The following GNA12 variants were observed in gnomAD, a reference collection of about 807,000 sequenced individuals.
GNA12 encodes guanine nucleotide-binding protein subunit alpha-12.
GNA12 carries 9 observed loss-of-function variants against 26.0 expected under a neutral mutation model. That is an observed-to-expected ratio of 0.35 (90% CI 0.21 to 0.60). The LOEUF is 0.60. GNA12 is among the 20% of genes least tolerant of loss of function. GNA12 has a pLI of 0.78. For synonymous variants in GNA12, 264 were observed against 219.6 expected, an observed-to-expected ratio of 1.20 and a Z score of -1.79; for missense variants, 405 against 525.8, an observed-to-expected ratio of 0.77 and a Z score of 2.25.
intron 2 of GNA12, among the ~76,000 whole-genome samples, chr7:2,771,676 C>T (rs1480464563): frequency 6.6e-6 from 1 of 152,132 alleles, no homozygotes; most frequent in Non-Finnish European, 1.5e-5. Flanking sequence ...AAGGGTGCAC[C>T]CCAGTCTGTT....
chr7:2,794,983 A>G lies in GNA12; in HGVS notation c.470T>C (p.Leu157Pro). Residue 157 changes from leucine to proline, a missense_variant, in exon 2 of 4, where the codon CTC (leucine) becomes CCC (proline). Physicochemically the swap from Leu to Pro is moderately conservative, Grantham distance 98 (BLOSUM62 -3). Transcript: ENST00000275364. Reference protein sequence around the residue: ...FQLYVPALSALWRDSGIREAF... With the variant: ...FQLYVPALSAPWRDSGIREAF... ...CTCCCTGATGCCAGAATCCCTCCAG[A>G]GTGCGCTCAGGGCCGGGACGTACAG... The G allele has an allele frequency of 6.2e-7, 1 of 1,614,200 alleles. No individual in the cohort carries two copies. The highest frequency in any genetic ancestry group is 8.5e-7 in the Non-Finnish European group (1 of 1,180,030).
At chr7:2,835,500 G>C (rs1167132200) in intron 1 of GNA12, 3 of 410,990 alleles carry the variant, frequency 7.3e-6, no homozygotes, top group African/African-American at 6.2e-5. Flanking sequence ...ATTGGCCATG[G>C]GTCCAAGGGG....
At chr7:2,762,634 T>C in intron 2 of GNA12, 1 of 1,587,340 alleles carries the variant, frequency 6.3e-7, no homozygotes, top group African/African-American at 1.3e-5. Context: ...CCCAATGCCA[T>C]GAAGCACAGA....
intron 2 of GNA12, among the ~76,000 whole-genome samples, chr7:2,786,524 A>C (rs1340934756): frequency 6.6e-6 from 1 of 152,222 alleles, no homozygotes; most frequent in Non-Finnish European, 1.5e-5. Flanking sequence ...GGCAAAACTT[A>C]CAGAAAACTA....
chr7:2,754,313 T>C (rs1419595515), intron 2 of GNA12, among the ~76,000 whole-genome samples: 1 of 152,190 alleles, frequency 6.6e-6, no homozygotes, highest in Non-Finnish European at 1.5e-5. Context: ...TGTTTTGTTA[T>C]TTTCTGTTTG....
chr7:2,774,851 G>A (rs1166249281), intron 2 of GNA12, among the ~76,000 whole-genome samples: 2 of 152,098 alleles, frequency 1.3e-5, no homozygotes, highest in Non-Finnish European at 2.9e-5. Flanking sequence ...GTGTTACTGA[G>A]CCACCTTCTT....
intron 2 of GNA12, among the ~76,000 whole-genome samples, chr7:2,764,166 G>C (rs375340674): frequency 9.9e-5 from 15 of 152,134 alleles, no homozygotes; most frequent in African/African-American, 3.4e-4. Flanking sequence ...AAACTGAAGT[G>C]GGCTCAAGTG....
chr7:2,788,963 G>A (rs1437278116), intron 2 of GNA12, among the ~76,000 whole-genome samples: 4 of 151,938 alleles, frequency 2.6e-5, no homozygotes, highest in Non-Finnish European at 5.9e-5. Context: ...GGGATTACAG[G>A]CGCCCCACCA....
intron 2 of GNA12, among the ~76,000 whole-genome samples, chr7:2,774,657 C>T (rs966762510): frequency 2.6e-5 from 4 of 152,210 alleles, no homozygotes; most frequent in African/African-American, 9.6e-5. Context: ...GTTTGAGAAC[C>T]TACAGTCAAC....
intron 2 of GNA12, among the ~76,000 whole-genome samples, chr7:2,771,378 G>A (rs1377363023): frequency 1.3e-5 from 2 of 152,150 alleles, no homozygotes; most frequent in African/African-American, 4.8e-5. Flanking sequence ...GCATACAGCT[G>A]TGGGACCATC....
chr7:2,823,480 G>C (rs1347887498), intron 1 of GNA12, among the ~76,000 whole-genome samples: 1 of 152,164 alleles, frequency 6.6e-6, no homozygotes, highest in Non-Finnish European at 1.5e-5. Context: ...TCAAGAATTA[G>C]ACAATCATTC....
intron 2 of GNA12, among the ~76,000 whole-genome samples, chr7:2,757,729 T>C (rs1397538799): frequency 1.3e-5 from 2 of 152,184 alleles, no homozygotes; most frequent in Non-Finnish European, 2.9e-5. Context: ...TAGGGCAAAA[T>C]AACCATGAAG....
chr7:2,775,668 TAGG>T (rs1792059332), intron 2 of GNA12, among the ~76,000 whole-genome samples: 2 of 152,196 alleles, frequency 1.3e-5, no homozygotes, highest in South Asian at 2.1e-4. Flanking sequence ...CGGGCTTTCT[TAGG>T]AGAAGATATC....
chr7:2,818,817 G>C (rs1793281636), intron 1 of GNA12, among the ~76,000 whole-genome samples: 1 of 149,280 alleles, frequency 6.7e-6, no homozygotes, highest in African/African-American at 2.4e-5. Flanking sequence ...ACTCAAAGTG[G>C]CCTCTCCCAC....
At chr7:2,751,800 A>C (rs1438515188) in intron 2 of GNA12, among the ~76,000 whole-genome samples, 2 of 152,248 alleles carry the variant, frequency 1.3e-5, no homozygotes, top group African/African-American at 2.4e-5. Context: ...TTAATTTCCC[A>C]AAACGGATAC....
chr7:2,745,241 A>AG (rs1790710359), intron 2 of GNA12, among the ~76,000 whole-genome samples: 1 of 152,276 alleles, frequency 6.6e-6, no homozygotes, highest in South Asian at 2.1e-4. Context: ...GTTGAAATGA[A>AG]GGAAAAAATG....
At chr7:2,734,583 C>T (rs764756717) in intron 2 of GNA12, among the ~76,000 whole-genome samples, 3 of 152,216 alleles carry the variant, frequency 2.0e-5, no homozygotes, top group African/African-American at 4.8e-5. Context: ...TGGAGAAAGG[C>T]GGCCAGCACC....
chr7:2,812,695 T>TCACATCACATCACATCACATCACATCA (rs920827670), intron 1 of GNA12, among the ~76,000 whole-genome samples: 3 of 150,670 alleles, frequency 2.0e-5, no homozygotes, highest in Non-Finnish European at 3.0e-5. Flanking sequence ...TCACATCACA[T>TCACATCACATCACATCACATCACATCA]CAGGGGCTTT....
intron 2 of GNA12, chr7:2,762,390 C>T (rs1791602756): frequency 2.2e-6 from 1 of 449,256 alleles, no homozygotes; most frequent in African/African-American, 2.0e-5. Flanking sequence ...TCCCACTTTC[C>T]TCACTGAGGA....
Sources: gnomAD v4.1 joint callset for allele counts (sites outside exome capture counted in the v4.1 genomes callset) on GRCh38, gnomAD v4.1.1 for gene constraint, MANE v1.5 for transcripts, NCBI Gene and HGNC (gene_info 2026-07-23, HGNC 2026-07-21) for gene names.